The following GRK4 variants were observed in gnomAD, a reference collection of about 807,000 sequenced individuals.
The protein encoded by GRK4 is G protein-coupled receptor kinase 2-like.
A neutral mutation model predicts 77.9 loss-of-function variants in GRK4; 73 were observed. The observed-to-expected ratio is 0.94, with a 90% CI of 0.78 to 1.14. GRK4 has a LOEUF of 1.14. GRK4 is among the 50% of genes most tolerant of loss of function. The probability of loss-of-function intolerance (pLI) is 0.00; values close to 1 mark genes in which losing one functional copy is unlikely to be tolerated. For synonymous variants in GRK4, 257 were observed against 254.4 expected, an observed-to-expected ratio of 1.01 and a Z score of -0.10; for missense variants, 729 against 700.2, an observed-to-expected ratio of 1.04 and a Z score of -0.46.
chr4:2,990,870 ATT>A (rs1725951133), intron 3 of GRK4, among the ~76,000 whole-genome samples: 1 of 152,094 alleles, frequency 6.6e-6, no homozygotes, highest in African/African-American at 2.4e-5. Context: ...ATAATGTCTG[ATT>A]GTGCCATTTT....
intron 2 of GRK4, chr4:2,986,994 A>C (rs557313235): frequency 2.6e-5 from 9 of 351,856 alleles, no homozygotes; most frequent in African/African-American, 8.6e-5. Flanking sequence ...TATCCATTTA[A>C]AGTATATAAT....
intron 1 of GRK4, among the ~76,000 whole-genome samples, chr4:2,979,736 A>T (rs760242755): frequency 2.1e-4 from 32 of 151,814 alleles, no homozygotes; most frequent in Non-Finnish European, 5.9e-5. Context: ...AAAAAAATCC[A>T]TGTGTGGTGG....
At chr4:3,038,274 G>A in intron 14 of GRK4, 102 bp from the exon 15 acceptor site, 2 of 1,422,102 alleles carry the variant, frequency 1.4e-6, no homozygotes, top group Non-Finnish European at 1.9e-6. Flanking sequence ...GAGCTCTGAG[G>A]TGCCCCGCAC....
In GRK4 at chr4:3,027,908, A is replaced by G. The variant is rs1164048897; in HGVS notation, c.971-4A>G. Reference sequence around the variant, plus strand: ...CCTGTGTAATAACATATTTGAACACACAGGACACATCCGGATTTCAGACCT... The same window carrying G: ...CCTGTGTAATAACATATTTGAACACGCAGGACACATCCGGATTTCAGACCT... On this transcript the variant is annotated splice_region_variant and splice_polypyrimidine_tract_variant and intron_variant, in intron 10 of 15. Transcript: ENST00000398052. The G allele has an allele frequency of 1.9e-6, 3 of 1,613,526 alleles. No individual in the cohort carries two copies. In the African/African-American group the frequency reaches 4.0e-5, roughly 22 times the overall value.
intron 8 of GRK4, among the ~76,000 whole-genome samples, chr4:3,014,296 CTTTTT>C (rs60684225): frequency 3.4e-5 from 4 of 118,988 alleles, no homozygotes; most frequent in African/African-American, 3.4e-5. Context: ...CTCTCTCTCT[CTTTTT>C]TTTTTTTTTT....
intron 2 of GRK4, among the ~76,000 whole-genome samples, 198 bp from the exon 3 acceptor site, chr4:2,988,529 C>T (rs992232843): frequency 3.3e-5 from 5 of 152,006 alleles, no homozygotes; most frequent in African/African-American, 1.2e-4. Flanking sequence ...GGAGATTGTA[C>T]CGCTGCCCTC....
In GRK4 at chr4:3,037,446, A is replaced by G; in HGVS notation, c.1480A>G (p.Thr494Ala). 1 of 1,611,580 alleles carries G rather than the reference A, an allele frequency of 6.2e-7. No individual in the cohort carries two copies. The highest frequency in any genetic ancestry group is 8.5e-7 in the Non-Finnish European group (1 of 1,178,192). The change falls in exon 14 of 16, where the codon ACC becomes GCC. Residue 494 changes from threonine (T) to alanine (A), a missense_variant. By Grantham distance (58) the Thr-to-Ala change is moderately conservative (BLOSUM62 0). Transcript: ENST00000398052. ...GGTGGTGAAAGGGATCTACCTGGAC[A>G]CCGCAGATGAAGACTTCTATGCTCG... ...FSVVKGIYLD[T>A]ADEDFYARFA...
intron 13 of GRK4, 27 bp downstream of exon 13, chr4:3,035,550 GC>G: frequency 6.3e-7 from 1 of 1,599,630 alleles, no homozygotes; most frequent in Non-Finnish European, 8.5e-7. Context: ...GACGAGCAGG[GC>G]CCTAGGAACA....
At chr4:2,989,815 A>T (rs545305214) in intron 3 of GRK4, among the ~76,000 whole-genome samples, 15 of 152,212 alleles carry the variant, frequency 9.9e-5, no homozygotes, top group Non-Finnish European at 1.9e-4. Context: ...ATTTCCTTAT[A>T]GGTAAAGAAA....
intron 1 of GRK4, among the ~76,000 whole-genome samples, chr4:2,972,761 G>A (rs572316790): frequency 2.4e-4 from 36 of 152,068 alleles, no homozygotes; most frequent in African/African-American, 8.2e-4. Flanking sequence ...TTGAGACAGG[G>A]TCTCACTCTG....
intron 13 of GRK4, 34 bp downstream of exon 13, chr4:3,035,557 G>T: frequency 1.6e-5 from 26 of 1,595,142 alleles, no homozygotes; most frequent in Non-Finnish European, 2.2e-5. Context: ...AGGGCCCTAG[G>T]AACAGTGATC....
intron 9 of GRK4, among the ~76,000 whole-genome samples, chr4:3,021,923 C>G (rs1346098576): frequency 6.6e-6 from 1 of 152,122 alleles, no homozygotes; most frequent in Admixed American, 6.6e-5. Context: ...GTCCACGGGA[C>G]TCACCATCAG....
intron 10 of GRK4, among the ~76,000 whole-genome samples, chr4:3,026,098 C>G (rs780651391): frequency 7.9e-5 from 12 of 152,238 alleles, no homozygotes; most frequent in Admixed American, 2.0e-4. Flanking sequence ...GCCTTGGGCA[C>G]ATGTAATTTC....
intron 4 of GRK4, 122 bp from the exon 5 acceptor site, chr4:3,004,109 G>A (rs1730607846): frequency 2.8e-6 from 2 of 720,360 alleles, no homozygotes; most frequent in Non-Finnish European, 4.8e-6. Flanking sequence ...GGGTCCAGGT[G>A]GCACTTTGAC....
At chr4:2,983,183 T>C (rs894829157) in intron 1 of GRK4, among the ~76,000 whole-genome samples, 1 of 152,234 alleles carries the variant, frequency 6.6e-6, no homozygotes, top group African/African-American at 2.4e-5. Context: ...TCTTCTGAGC[T>C]CATCCCAGTC....
Position 3,037,367 on chromosome 4 carries a change from T to C in GRK4, c.1408-7T>C. 2 of 1,579,378 alleles carry C rather than the reference T, an allele frequency of 1.3e-6. No homozygotes were observed. The highest frequency in any genetic ancestry group is 1.7e-6 in the Non-Finnish European group (2 of 1,152,572). ...TCTCAGAGGCTGCCCCTGTTCTTGC[T>C]ACACAGCCTCATGCCGTTTACTGTA... On this transcript the variant is annotated splice_region_variant and splice_polypyrimidine_tract_variant and intron_variant, in intron 13 of 15. Transcript: ENST00000398052.
intron 13 of GRK4, among the ~76,000 whole-genome samples, chr4:3,036,769 C>G (rs1185444052): frequency 6.6e-6 from 1 of 152,124 alleles, no homozygotes; most frequent in African/African-American, 2.4e-5. Context: ...GCCTTGGAGA[C>G]CACTCAGTGG....
At position 3,040,440 on chromosome 4, in the gene GRK4, C is replaced by T. The variant is rs1742081378; in HGVS notation, c.1684-132C>T. ...TGGGCGACAGAGTGAGACTATGTCT[C>T]AAAAAATAAATAAATAAATAAAAAA... On this transcript the variant is annotated intron_variant, in intron 15 of 15. Transcript: ENST00000398052. 4.6e-6 allele frequency: 3 copies of T among 646,782 alleles called. No homozygotes were observed. In the South Asian group the frequency reaches 6.7e-5, roughly 14 times the overall value. 40.1% of individuals were successfully genotyped at this position (646,782 alleles called of 1,614,324 possible). A position where few individuals can be genotyped will look rare whatever the true frequency, so the allele number is the denominator to read the frequency against.
At chr4:2,976,039 C>T (rs921499516) in intron 1 of GRK4, among the ~76,000 whole-genome samples, 1 of 152,182 alleles carries the variant, frequency 6.6e-6, no homozygotes, top group Non-Finnish European at 1.5e-5. Flanking sequence ...TCAACCTTTG[C>T]AAGGGGCAAG....
Sources: gnomAD v4.1 joint callset for allele counts (sites outside exome capture counted in the v4.1 genomes callset) on GRCh38, gnomAD v4.1.1 for gene constraint, MANE v1.5 for transcripts, NCBI Gene and HGNC (gene_info 2026-07-23, HGNC 2026-07-21) for gene names.